HDGF: variants seen among roughly 807,000 people sequenced by gnomAD.
HDGF encodes the protein heparin binding growth factor, also known as hepatoma-derived growth factor.
In HDGF, 5 loss-of-function variants were observed where a neutral mutation model predicts 30.0. The ratio of observed to expected loss-of-function variants is 0.17; its 90% CI spans 0.09 to 0.35. HDGF has a LOEUF of 0.35. HDGF is among the 10% of genes least tolerant of loss of function. The pLI is 1.00. For missense variants in HDGF, 214 were observed against 302.8 expected (o/e 0.71, Z 2.18); for synonymous variants, 133 against 112.7 (o/e 1.18, Z -1.14).
At chr1:156,751,841 G>A, upstream of HDGF, 1 of 879,116 alleles carries the variant, frequency 1.1e-6, no homozygotes, top group Non-Finnish European at 1.5e-6. The surrounding 1 kb of genome is among the most constrained non-coding windows in gnomAD (Gnocchi z 4.7). Context: ...TTGACGCCCA[G>A]GGCCTGCCAC....
chr1:156,754,814 G>A (rs1448071509), upstream of HDGF, among the ~76,000 whole-genome samples: 15 of 152,148 alleles, frequency 9.9e-5, no homozygotes, highest in Non-Finnish European at 1.5e-4. Context: ...CTGGGTGTGT[G>A]GCAGGCGCCT....
At chr1:156,747,601 C>G (rs1650675330) in intron 1 of HDGF, 1 of 152,002 alleles carries the variant, frequency 6.6e-6, no homozygotes. Flanking sequence ...AACGCCTTTC[C>G]TAGGCCTTTC....
At chr1:156,746,140 C>T (rs911229446) in intron 1 of HDGF, among the ~76,000 whole-genome samples, 13 of 152,172 alleles carry the variant, frequency 8.5e-5, no homozygotes, top group African/African-American at 2.4e-4. Flanking sequence ...TGGCCGACTC[C>T]CTAGGTAAAA....
rs1360762733 is a variant in HDGF at position 156,744,153 on chromosome 1, C to T, written c.489+10G>A. 2 of 1,613,262 alleles carry T rather than the reference C, an allele frequency of 1.2e-6. No individual in the cohort carries two copies. The highest frequency in any genetic ancestry group is 1.7e-5 in the Admixed American group (1 of 60,024). ...GAGGGGGGCCCAGGCCCTGGGCAGG[C>T]AGCAGTTACCTCCAGCAAGTCCCCT... On this transcript the variant is annotated intron_variant, in intron 4 of 5. Coordinates refer to ENST00000357325, the MANE Select transcript of HDGF (RefSeq NM_004494.3).
upstream of HDGF, among the ~76,000 whole-genome samples, chr1:156,754,571 C>T (rs2102734816): frequency 6.6e-6 from 1 of 152,346 alleles, no homozygotes; most frequent in East Asian, 1.9e-4. Flanking sequence ...AGCCTGCTTC[C>T]CCTGGGATTC....
intron 1 of HDGF, among the ~76,000 whole-genome samples, chr1:156,746,375 G>A (rs1308858795): frequency 6.6e-6 from 1 of 152,218 alleles, no homozygotes; most frequent in African/African-American, 2.4e-5. Flanking sequence ...TGGCTGAAGT[G>A]GAGGGGTGAG....
chr1:156,748,928 C>G (rs116830992), intron 1 of HDGF, among the ~76,000 whole-genome samples: 3,008 of 152,286 alleles, frequency 0.02, 105 homozygotes, highest in African/African-American at 0.07. Context: ...GGGTGAGGTC[C>G]TGGCTGCCCA....
At chr1:156,757,933 A>G (rs1651179002) in intron 2 of HDGF, among the ~76,000 whole-genome samples, 2 of 152,162 alleles carry the variant, frequency 1.3e-5, no homozygotes, top group Non-Finnish European at 1.5e-5. Context: ...CACTGCAGTA[A>G]GTTCTATTGG....
rs774910787 is a variant in HDGF, at chr1:156,751,410, T to G, written c.20A>C (p.Gln7Pro). Residue 7 changes from glutamine (Q) to proline (P), a missense_variant, in exon 1 of 6, where the codon CAG becomes CCG. Around this residue, in one of 2 missense-constraint regions of HDGF, gnomAD observed 38 missense variants for 91.1 expected, o/e 0.42. Coordinates refer to ENST00000357325, the MANE Select transcript of HDGF (RefSeq NM_004494.3). This position sits in a 1 kb window ranked among gnomAD's most constrained non-coding sequence, Gnocchi z 4.7. MSRSNRQKEYKCGDLVF... is the reference protein window; with the variant it reads MSRSNRPKEYKCGDLVF... Reference sequence around the variant, plus strand: ...CAGGTCCCCGCATTTGTACTCCTTCTGCCGGTTGGATCGCGACATGGCGGG... The same window carrying G: ...CAGGTCCCCGCATTTGTACTCCTTCGGCCGGTTGGATCGCGACATGGCGGG... 1.9e-6 allele frequency: 3 copies of G among 1,595,892 alleles called. No individual in the cohort carries two copies. In the East Asian group the frequency reaches 7.0e-5, roughly 37 times the overall value.
At chr1:156,743,519 C>T in intron 5 of HDGF, 64 bp from the exon 6 acceptor site, 2 of 1,584,866 alleles carry the variant, frequency 1.3e-6, no homozygotes, top group Non-Finnish European at 1.7e-6. Flanking sequence ...CTTGCCCCAG[C>T]CAGTGCCGGT....
At chr1:156,755,153 T>G (rs1651134267), upstream of HDGF, among the ~76,000 whole-genome samples, 1 of 152,182 alleles carries the variant, frequency 6.6e-6, no homozygotes, top group South Asian at 2.1e-4. Flanking sequence ...ATTCTGTTGA[T>G]GCTGGTGCGC....
chr1:156,765,405 TTTTCTTTC>T (rs61168651), intron 1 of HDGF, among the ~76,000 whole-genome samples: 2,319 of 148,896 alleles, frequency 0.016, 40 homozygotes, highest in Non-Finnish European at 0.027. Flanking sequence ...CTTTATCCAT[TTTTCTTTC>T]TTTCTTTCTT....
At chr1:156,765,328 G>A (rs1219397891) in intron 1 of HDGF, among the ~76,000 whole-genome samples, 2 of 149,790 alleles carry the variant, frequency 1.3e-5, no homozygotes, top group Non-Finnish European at 3.0e-5. Context: ...CCCAATCTCA[G>A]GTGATCTGCC....
In HDGF at chr1:156,762,050, G is replaced by A. The variant is rs535014112; in HGVS notation, n.137-2831C>T. Among the ~76,000 whole-genome samples, 24 of 152,110 alleles carry A rather than the reference G, an allele frequency of 1.6e-4. No homozygotes were observed. In the South Asian group the frequency reaches 3.3e-3, roughly 21 times the overall value. On this transcript the variant is annotated intron_variant and non_coding_transcript_variant, in intron 1 of 7. Transcript: ENST00000465180. ...CCAGCTACTCCTGAGGCTGAGGTGGGAGGATTGCTTGAGCTGGGGAGGTCG... is the reference window on the plus strand; with the variant it reads ...CCAGCTACTCCTGAGGCTGAGGTGGAAGGATTGCTTGAGCTGGGGAGGTCG...
chr1:156,752,313 C>T, upstream of HDGF: 1 of 1,551,762 alleles, frequency 6.4e-7, no homozygotes, highest in Non-Finnish European at 8.7e-7. Context: ...GTTTGGTAGC[C>T]AGGAGATGGC....
At chr1:156,760,882 C>T (rs1404141540) in intron 1 of HDGF, among the ~76,000 whole-genome samples, 5 of 149,020 alleles carry the variant, frequency 3.4e-5, no homozygotes, top group South Asian at 2.2e-4. Flanking sequence ...TCAAAGTATA[C>T]GTGGAAACCA....
Position 156,751,200 on chromosome 1 carries a change from T to G in HDGF, c.87+143A>C, listed in dbSNP as rs1010528584. ...CCATTATATAACCGGCGGGTGGGCTTGGAAGCGACAGAGAAAGAGCCGGAG... is the reference window on the plus strand; with the variant it reads ...CCATTATATAACCGGCGGGTGGGCTGGGAAGCGACAGAGAAAGAGCCGGAG... On this transcript the variant is annotated intron_variant, in intron 1 of 5. Coordinates refer to ENST00000357325, the MANE Select transcript of HDGF (RefSeq NM_004494.3). The surrounding 1 kb of genome is among the most constrained non-coding windows in gnomAD (Gnocchi z 4.7). 4.4e-6 allele frequency: 5 copies of G among 1,146,852 alleles called. No homozygotes were observed. Among genetic ancestry groups the G allele is most frequent in the Non-Finnish European group, 5.6e-6 (5 of 889,818 alleles). 71.0% of individuals were successfully genotyped at this position (1,146,852 alleles called of 1,614,324 possible).
intron 1 of HDGF, 69 bp from the exon 2 acceptor site, chr1:156,745,442 C>T (rs1650464788): frequency 1.5e-6 from 2 of 1,294,920 alleles, no homozygotes; most frequent in African/African-American, 2.9e-5. Context: ...GGGGTGCTGA[C>T]CTCCAAGGCA....
At chr1:156,752,426 C>T, upstream of HDGF, 4 of 1,447,814 alleles carry the variant, frequency 2.8e-6, no homozygotes, top group South Asian at 1.2e-5. Context: ...GCTAGCTAAC[C>T]CCGCAAAGAT....
Sources: allele counts gnomAD v4.1 joint callset (sites outside exome capture counted in the v4.1 genomes callset), GRCh38; gene constraint gnomAD v4.1.1; regional missense constraint gnomAD v4.1.1; non-coding constraint Gnocchi (gnomAD v3.1); transcripts MANE v1.5; gene names NCBI Gene and HGNC (gene_info 2026-07-23, HGNC 2026-07-21).